The following LIPG variants were observed in gnomAD, a reference collection of about 807,000 sequenced individuals.
The protein encoded by LIPG is lipase G, endothelial type.
In LIPG, 34 loss-of-function variants were observed where a neutral mutation model predicts 51.8. The observed-to-expected ratio is 0.66, with a 90% confidence interval of 0.50 to 0.87. LIPG has a LOEUF of 0.87. LIPG is among the 40% of genes least tolerant of loss of function. The probability of loss-of-function intolerance (pLI) is 0.00; values close to 1 mark genes in which losing one functional copy is unlikely to be tolerated. For missense variants in LIPG, 580 were observed against 652.7 expected (o/e 0.89, Z 1.21); for synonymous variants, 246 against 246.1 (o/e 1.00, Z 0.00).
chr18:49,561,619 C>T, upstream of LIPG: 1 of 1,174,222 alleles, frequency 8.5e-7, no homozygotes, highest in Non-Finnish European at 1.1e-6. Flanking sequence ...TCTCCCCCGA[C>T]GGACTCCCGG....
chr18:49,574,313 AAC>A (rs536826955), intron 4 of LIPG, among the ~76,000 whole-genome samples: 114 of 152,286 alleles, frequency 7.5e-4, no homozygotes, highest in Middle Eastern at 3.4e-3. Flanking sequence ...ATGATAATGA[AAC>A]ACAGGGAAGT....
chr18:49,586,512 A>C (rs1444495595), intron 8 of LIPG, among the ~76,000 whole-genome samples: 1 of 152,176 alleles, frequency 6.6e-6, no homozygotes, highest in African/African-American at 2.4e-5. Flanking sequence ...AGACAGAAGG[A>C]AGCAGGTGGC....
chr18:49,562,237 G>A lies in LIPG; in HGVS notation c.-72G>A, dbSNP rs1252984190. ...GAGAAGGGTCTTACCGGCCGGGATT[G>A]CTGGAAACACCAAGAGGTGGTTTTT... is the stretch of plus-strand genomic sequence containing the variant. On this transcript the variant is annotated 5_prime_UTR_variant, in exon 1 of 10. Coordinates refer to ENST00000261292, the MANE Select transcript of LIPG (RefSeq NM_006033.4). 6.2e-7 allele frequency: 1 copy of A among 1,610,244 alleles called. No homozygotes were observed. The highest frequency in any genetic ancestry group is 8.5e-7 in the Non-Finnish European group (1 of 1,179,542).
At position 49,592,312 on chromosome 18, in the gene LIPG, C is replaced by A. The variant is rs977766087; in HGVS notation, c.*1790C>A. The A allele has an allele frequency of 5.3e-5, 8 of 152,120 alleles. No homozygotes were observed. The highest frequency in any genetic ancestry group is 1.9e-4 in the African/African-American group (8 of 41,422). 9.4% of individuals were successfully genotyped at this position (152,120 alleles called of 1,614,324 possible). On this transcript the variant is annotated 3_prime_UTR_variant, in exon 10 of 10. Transcript: ENST00000261292. ...GCGAAGCTTGTACAGGTTGAGTATC[C>A]CTTATCCAAAATGCTTGGAACCAGA...
intron 5 of LIPG, among the ~76,000 whole-genome samples, chr18:49,579,764 C>T (rs201371411): frequency 2.5e-4 from 28 of 112,206 alleles, no homozygotes; most frequent in Admixed American, 8.4e-4. Flanking sequence ...CTTTCCTTTC[C>T]TTTCTTTTCT....
intron 5 of LIPG, among the ~76,000 whole-genome samples, chr18:49,579,764 CTTTCTTTTCTTTTCTTTTCT>C (rs60357456): frequency 0.026 from 2,884 of 112,150 alleles, 80 homozygotes; most frequent in African/African-American, 0.057. Flanking sequence ...CTTTCCTTTC[CTTTCTTTTCTTTTCTTTTCT>C]TTTCTTTTCT....
In LIPG at chr18:49,593,730, C is replaced by T. The variant is rs980516666; in HGVS notation, c.*3208C>T. 5 of 152,232 alleles carry T rather than the reference C, an allele frequency of 3.3e-5. No homozygotes were observed. Among genetic ancestry groups the T allele is most frequent in the African/African-American group, 1.2e-4 (5 of 41,470 alleles). The allele number at this position is 152,232 out of a possible 1,614,324, so 9.4% of individuals were successfully genotyped here. ...GAAAAGGGAAGGGATGAACAGTCTC[C>T]TCTTAAAGACATGACTGAGAAGTTG... On this transcript the variant is annotated 3_prime_UTR_variant, in exon 10 of 10. Coordinates refer to ENST00000261292, the MANE Select transcript of LIPG (RefSeq NM_006033.4).
At chr18:49,561,588 C>A, upstream of LIPG, 1 of 935,694 alleles carries the variant, frequency 1.1e-6, no homozygotes, top group Non-Finnish European at 1.4e-6. Flanking sequence ...AAGAGGAGGA[C>A]AAAGGGGATG....
chr18:49,579,772 T>TC lies in LIPG; in HGVS notation c.794-1642dup, dbSNP rs1315846056. ...TCCTTTCCTTTCCTTTCCTTTCTTT[T>TC]CTTTTCTTTTCTTTTCTTTTCTTTT... On this transcript the variant is annotated intron_variant, in intron 5 of 9. Transcript: ENST00000261292. Among the ~76,000 whole-genome samples the TC allele has an allele frequency of 9.5e-3, 562 of 59,036 alleles. 20 individuals carry two copies. Among genetic ancestry groups the TC allele is most frequent in the African/African-American group, 0.031 (473 of 15,472 alleles). 38.7% of individuals were successfully genotyped at this position (59,036 alleles called of 152,430 possible).
Position 49,563,371 on chromosome 18 carries a change from C to T in LIPG, c.97+966C>T, listed in dbSNP as rs75749640. Among the ~76,000 whole-genome samples, 701 of 152,202 alleles carry T rather than the reference C, an allele frequency of 4.6e-3. 7 individuals are homozygous for T. Among genetic ancestry groups the T allele is most frequent in the African/African-American group, 0.016 (667 of 41,532 alleles). On this transcript the variant is annotated intron_variant, in intron 1 of 9. Transcript: ENST00000261292. ...TCCTCACCTGTAAAATGCTAAAGTT[C>T]CTTCTAACTTCTGTGTTCTGGGCCT...
At chr18:49,583,438 C>A in intron 7 of LIPG, 118 bp from the exon 8 acceptor site, 1 of 811,372 alleles carries the variant, frequency 1.2e-6, no homozygotes, top group Non-Finnish European at 2.1e-6. Context: ...GTGGGGAAAG[C>A]ACTCACACTG....
chr18:49,563,646 G>A (rs2084574013), intron 1 of LIPG, among the ~76,000 whole-genome samples: 1 of 151,620 alleles, frequency 6.6e-6, no homozygotes, highest in Non-Finnish European at 1.5e-5. Context: ...GGGGAAGGTG[G>A]TGCGATTTTA....
chr18:49,581,694 CCTTAATACCTCCTT>C, intron 6 of LIPG, 37 bp downstream of exon 6: 3 of 1,606,376 alleles, frequency 1.9e-6, no homozygotes, highest in Non-Finnish European at 1.7e-6. Flanking sequence ...TGAGGAAGGC[CCTTAATACCTCCTT>C]CTTAATACCA....
intron 4 of LIPG, 82 bp from the exon 5 acceptor site, chr18:49,575,287 A>C (rs2084703662): frequency 1.9e-6 from 2 of 1,076,120 alleles, no homozygotes; most frequent in Admixed American, 1.8e-5. Flanking sequence ...CATTCTGCAC[A>C]CTCAGACTTA....
chr18:49,582,210 G>T, intron 6 of LIPG, 152 bp from the exon 7 acceptor site: 2 of 883,536 alleles, frequency 2.3e-6, no homozygotes, highest in Non-Finnish European at 3.7e-6. Flanking sequence ...TTATGGCATT[G>T]GACAGAACAA....
upstream of LIPG, chr18:49,561,800 G>A (rs188919096): frequency 1.4e-5 from 18 of 1,257,194 alleles, no homozygotes; most frequent in African/African-American, 2.2e-4. Flanking sequence ...TCCGGAGGAG[G>A]GCAGTGGGAG....
intron 6 of LIPG, chr18:49,581,952 C>T: frequency 1.7e-6 from 1 of 591,292 alleles, no homozygotes; most frequent in Non-Finnish European, 3.0e-6. Context: ...CTCATTTGAT[C>T]ATCACAAGAA....
intron 2 of LIPG, among the ~76,000 whole-genome samples, chr18:49,566,088 A>G (rs1172242807): frequency 6.6e-6 from 1 of 152,270 alleles, no homozygotes; most frequent in African/African-American, 2.4e-5. Flanking sequence ...ATTCATTCAT[A>G]TAATGACAGT....
chr18:49,575,359 TCTG>T lies in LIPG; in HGVS notation c.572-5_572-3del, dbSNP rs763223828. On this transcript the variant is annotated splice_region_variant and splice_polypyrimidine_tract_variant and intron_variant, in intron 4 of 9. Transcript: ENST00000261292. The stretch of plus-strand genomic sequence containing the variant: ...CACCACAGCTGTTTTGGGGCCTCCT[TCTG>T]CTGCAGGTTTGGATCCTGCCGGGCC... The T allele has an allele frequency of 1.9e-6, 3 of 1,611,678 alleles. No homozygotes were observed. Among genetic ancestry groups the T allele is most frequent in the Non-Finnish European group, 2.5e-6 (3 of 1,179,776 alleles).
Sources: allele counts gnomAD v4.1 joint callset (sites outside exome capture counted in the v4.1 genomes callset), GRCh38; gene constraint gnomAD v4.1.1; transcripts MANE v1.5; gene names NCBI Gene and HGNC (gene_info 2026-07-23, HGNC 2026-07-21).